Variants in BABAM2 observed in about 807,000 individuals in gnomAD.
BABAM2 encodes the protein BRISC and BRCA1-A complex member 2.
A neutral mutation model predicts 54.7 loss-of-function variants in BABAM2; 31 were observed. That is an observed-to-expected ratio of 0.57 (90% CI 0.43 to 0.77). The LOEUF is 0.77. Ranked by LOEUF, BABAM2 falls within the 30% of genes least tolerant of loss-of-function variation. The pLI is 0.00. For missense variants in BABAM2, 364 were observed against 455.8 expected (o/e 0.80, Z 1.83); for synonymous variants, 167 against 162.9 (o/e 1.03, Z -0.19).
chr2:28,157,228 T>G (rs1354651338), intron 7 of BABAM2, among the ~76,000 whole-genome samples: 1 of 152,170 alleles, frequency 6.6e-6, no homozygotes, highest in Non-Finnish European at 1.5e-5. Context: ...GTGCCTACTA[T>G]ATGAAGGTCA....
At chr2:28,004,968 G>A (rs1673853372) in intron 4 of BABAM2, among the ~76,000 whole-genome samples, 2 of 152,174 alleles carry the variant, frequency 1.3e-5, no homozygotes, top group African/African-American at 4.8e-5. Context: ...GTGTCTCAAT[G>A]AGATTTGACT....
chr2:28,200,681 A>C (rs575950648), intron 7 of BABAM2, among the ~76,000 whole-genome samples: 1 of 152,314 alleles, frequency 6.6e-6, no homozygotes, highest in African/African-American at 2.4e-5. Context: ...CCAAAAATAG[A>C]CTTAACACTA....
intron 6 of BABAM2, among the ~76,000 whole-genome samples, chr2:28,096,563 C>T (rs1666643674): frequency 6.6e-6 from 1 of 152,118 alleles, no homozygotes; most frequent in Non-Finnish European, 1.5e-5. Flanking sequence ...AACCAGCTCT[C>T]CAGTGCTCTT....
intron 4 of BABAM2, among the ~76,000 whole-genome samples, chr2:28,002,060 T>TAAAA (rs5830060): frequency 7.1e-6 from 1 of 140,038 alleles, no homozygotes; most frequent in Non-Finnish European, 1.5e-5. Flanking sequence ...ATCAAACAGG[T>TAAAA]AAAAAAAAAA....
chr2:28,167,160 T>C (rs972992648), intron 7 of BABAM2, among the ~76,000 whole-genome samples: 3 of 152,184 alleles, frequency 2.0e-5, no homozygotes, highest in African/African-American at 7.2e-5. Flanking sequence ...TTCATTCTGA[T>C]TGTGTGACTA....
intron 7 of BABAM2, among the ~76,000 whole-genome samples, chr2:28,176,155 T>C (rs1367760323): frequency 6.6e-6 from 1 of 152,064 alleles, no homozygotes; most frequent in East Asian, 1.9e-4. Context: ...TAAAGACACA[T>C]GAAATGTGAA....
At position 28,322,468 on chromosome 2, in the gene BABAM2, T is replaced by A. The variant is rs1273904964; in HGVS notation, c.1089-15982T>A. Among the ~76,000 whole-genome samples the A allele has an allele frequency of 6.6e-6, 1 of 152,216 alleles. No individual in the cohort carries two copies. Among genetic ancestry groups the A allele is most frequent in the Non-Finnish European group, 1.5e-5 (1 of 68,022 alleles). Reference sequence around the variant, plus strand: ...GAACCCTGTAACTCTTAGAGGCGCCTTTGAGCAACGCGCTCTCAAGGTGTT... The same window carrying A: ...GAACCCTGTAACTCTTAGAGGCGCCATTGAGCAACGCGCTCTCAAGGTGTT... On this transcript the variant is annotated intron_variant, in intron 11 of 11. Coordinates refer to ENST00000379624, the MANE Select transcript of BABAM2 (RefSeq NM_199191.3). This position sits in a 1 kb window ranked among gnomAD's most constrained non-coding sequence, Gnocchi z 4.1.
chr2:27,996,577 T>G (rs923609943), intron 4 of BABAM2: 3 of 153,610 alleles, frequency 2.0e-5, no homozygotes, highest in Non-Finnish European at 4.4e-5. Flanking sequence ...GTTTTCTTAA[T>G]TTTTAGCTTC....
At chr2:28,314,915 A>G (rs1017007819) in intron 11 of BABAM2, among the ~76,000 whole-genome samples, 1 of 150,980 alleles carries the variant, frequency 6.6e-6, no homozygotes, top group East Asian at 2.0e-4. Flanking sequence ...TCCAGGAGGT[A>G]TGCCGGTGTC....
intron 4 of BABAM2, among the ~76,000 whole-genome samples, chr2:28,022,703 A>T (rs1216628014): frequency 1.3e-5 from 2 of 152,180 alleles, no homozygotes; most frequent in Admixed American, 6.5e-5. Flanking sequence ...AAAGATGTAG[A>T]AGAAGAACTT....
At chr2:28,234,310 C>G (rs1322341195) in intron 7 of BABAM2, among the ~76,000 whole-genome samples, 1 of 151,948 alleles carries the variant, frequency 6.6e-6, no homozygotes. Flanking sequence ...TGGTAGTGAC[C>G]GAAGCAGGGT....
At chr2:28,294,329 G>A (rs1441237126) in intron 10 of BABAM2, among the ~76,000 whole-genome samples, 3 of 150,674 alleles carry the variant, frequency 2.0e-5, no homozygotes, top group Admixed American at 6.6e-5. Flanking sequence ...GCAGTGAGCC[G>A]AGATCGCACC....
At chr2:28,272,647 C>G (rs183044002) in intron 10 of BABAM2, among the ~76,000 whole-genome samples, 3 of 152,124 alleles carry the variant, frequency 2.0e-5, no homozygotes, top group African/African-American at 7.2e-5. Flanking sequence ...CAGCGGGGCT[C>G]CACGTAAACC....
intron 11 of BABAM2, among the ~76,000 whole-genome samples, chr2:28,303,715 C>T (rs1002752615): frequency 1.3e-5 from 2 of 151,936 alleles, no homozygotes; most frequent in Non-Finnish European, 2.9e-5. Context: ...ACTCCAACGC[C>T]CCCCCCACCA....
intron 7 of BABAM2, among the ~76,000 whole-genome samples, chr2:28,209,128 T>C (rs139633963): frequency 6.6e-6 from 1 of 152,332 alleles, no homozygotes; most frequent in Non-Finnish European, 1.5e-5. Context: ...TTATTCACAG[T>C]TGCTGTCATT....
chr2:28,311,047 G>T (rs868729018), intron 11 of BABAM2, among the ~76,000 whole-genome samples: 1 of 152,106 alleles, frequency 6.6e-6, no homozygotes, highest in South Asian at 2.1e-4. Context: ...GGATCACAAG[G>T]TCAGGAGATC....
intron 10 of BABAM2, among the ~76,000 whole-genome samples, chr2:28,291,589 C>T (rs1487778828): frequency 3.3e-5 from 5 of 150,526 alleles, no homozygotes; most frequent in Non-Finnish European, 7.4e-5. Context: ...AGTGAAACTC[C>T]GTCTCCAAAA....
At chr2:27,959,579 C>A (rs1001881704) in intron 3 of BABAM2, among the ~76,000 whole-genome samples, 1 of 151,672 alleles carries the variant, frequency 6.6e-6, no homozygotes, top group Non-Finnish European at 1.5e-5. Context: ...GTTGGAGTGA[C>A]CTTGGCACTT....
chr2:28,254,309 G>T (rs182355060), intron 10 of BABAM2, among the ~76,000 whole-genome samples: 1 of 152,036 alleles, frequency 6.6e-6, no homozygotes, highest in Admixed American at 6.6e-5. Flanking sequence ...AATAATTTTT[G>T]TATTTTTTGT....
Sources: gnomAD v4.1 joint callset for allele counts (sites outside exome capture counted in the v4.1 genomes callset) on GRCh38, gnomAD v4.1.1 for gene constraint, Gnocchi (gnomAD v3.1) non-coding constraint, MANE v1.5 for transcripts, NCBI Gene and HGNC (gene_info 2026-07-23, HGNC 2026-07-21) for gene names.